FANCL: variants seen among roughly 807,000 people sequenced by gnomAD.
FANCL encodes the protein FA complementation group L, also known as E3 ubiquitin-protein ligase FANCL.
FANCL carries 69 observed loss-of-function variants against 59.4 expected under a neutral mutation model. The observed-to-expected ratio is 1.16, with a 90% CI of 0.96 to 1.42. The LOEUF (loss-of-function observed/expected upper bound fraction) is 1.42, where lower values mean the gene tolerates loss of function less well. FANCL is among the 40% of genes most tolerant of loss of function. FANCL has a pLI of 0.00. For synonymous variants in FANCL, 180 were observed against 147.1 expected (o/e 1.22, Z -1.62); for missense variants, 519 against 447.2 (o/e 1.16, Z -1.45).
intron 7 of FANCL, among the ~76,000 whole-genome samples, chr2:58,169,523 C>G (rs1326557752): frequency 1.3e-5 from 2 of 151,940 alleles, no homozygotes; most frequent in African/African-American, 4.8e-5. Context: ...TCCTCGCCAG[C>G]AAGGGAACAA....
At chr2:58,229,561 A>T (rs1272200269) in intron 3 of FANCL, among the ~76,000 whole-genome samples, 1 of 152,132 alleles carries the variant, frequency 6.6e-6, no homozygotes, top group Non-Finnish European at 1.5e-5. Flanking sequence ...TGAAGAAGTG[A>T]TGGATATGGA....
intron 11 of FANCL, 66 bp downstream of exon 11, chr2:58,162,800 T>C (rs1243497520): frequency 7.4e-7 from 1 of 1,355,896 alleles, no homozygotes. Flanking sequence ...CATTTTTCAC[T>C]GAGAGAAGCA....
At chr2:58,178,651 A>T (rs1687612190) in intron 7 of FANCL, among the ~76,000 whole-genome samples, 1 of 152,196 alleles carries the variant, frequency 6.6e-6, no homozygotes, top group South Asian at 2.1e-4. Flanking sequence ...AGCTGGAAGC[A>T]TTCCCTTTGC....
intron 7 of FANCL, among the ~76,000 whole-genome samples, chr2:58,185,829 T>G (rs1352904279): frequency 1.3e-5 from 2 of 152,178 alleles, no homozygotes; most frequent in African/African-American, 2.4e-5. Context: ...GACTAGGGAA[T>G]ATAATTTTAG....
intron 7 of FANCL, among the ~76,000 whole-genome samples, chr2:58,169,635 C>A (rs555299159): frequency 1.0e-3 from 157 of 151,682 alleles, no homozygotes; most frequent in Middle Eastern, 3.4e-3. Context: ...TAACCCAATG[C>A]AAGGAAGCTA....
In FANCL at chr2:58,221,984, T is replaced by G; in HGVS notation, c.332A>C (p.Tyr111Ser). 6.2e-7 allele frequency: 1 copy of G among 1,613,496 alleles called. No individual in the cohort carries two copies. The highest frequency in any genetic ancestry group is 8.5e-7 in the Non-Finnish European group (1 of 1,179,558). ...TCCTATCTCTTCAATAAGGCTTGAG[T>G]AGAACTGGGGAGGAGGAGGTAGTGC... is the stretch of plus-strand genomic sequence containing the variant. ...LYALPPPPQF[Y>S]SSLIEEIGTL... Residue 111 changes from tyrosine to serine, a missense_variant, in exon 5 of 14, where the codon TAC becomes TCC. Coordinates refer to ENST00000233741, the MANE Select transcript of FANCL (RefSeq NM_018062.4).
In FANCL at chr2:58,219,993, G is replaced by C. The variant is rs960338542; in HGVS notation, c.374+1949C>G. 1.4e-4 allele frequency among the ~76,000 whole-genome samples: 21 copies of C among 152,120 alleles called. 1 individual carries two copies. The highest frequency in any genetic ancestry group is 4.8e-4 in the African/African-American group (20 of 41,392). The stretch of plus-strand genomic sequence containing the variant: ...ATCCAAGTCAGTGGCATCCTCAAGA[G>C]CAATTATACAAGAGAGCAAAATAAA... On this transcript the variant is annotated intron_variant, in intron 5 of 13. Coordinates refer to ENST00000233741, the MANE Select transcript of FANCL (RefSeq NM_018062.4).
intron 6 of FANCL, among the ~76,000 whole-genome samples, chr2:58,201,966 A>C (rs1326474980): frequency 1.3e-5 from 2 of 151,744 alleles, no homozygotes; most frequent in Non-Finnish European, 1.5e-5. Flanking sequence ...GTATGTTATT[A>C]ATAAAAAAAA....
rs981115430 is a variant in FANCL at position 58,185,760 on chromosome 2, T to C, written c.540+12834A>G. Among the ~76,000 whole-genome samples, 4 of 152,294 alleles carry C rather than the reference T, an allele frequency of 2.6e-5. No individual in the cohort carries two copies. In the South Asian group the frequency reaches 8.3e-4, roughly 32 times the overall value. ...TAAAATGTATCTCATTTTTGAATTA[T>C]TGCTTAAGAAGCACAAGTTAAGGAA... On this transcript the variant is annotated intron_variant, in intron 7 of 13. Coordinates refer to ENST00000233741, the MANE Select transcript of FANCL (RefSeq NM_018062.4).
chr2:58,181,677 G>A (rs2104964406), intron 7 of FANCL, among the ~76,000 whole-genome samples: 1 of 151,982 alleles, frequency 6.6e-6, no homozygotes, highest in African/African-American at 2.4e-5. Flanking sequence ...GCAAATATAG[G>A]AAAGATTAAC....
chr2:58,211,287 T>C (rs1691127822), intron 5 of FANCL, among the ~76,000 whole-genome samples: 2 of 151,998 alleles, frequency 1.3e-5, no homozygotes, highest in Admixed American at 1.3e-4. Context: ...GCTTGGGGTT[T>C]GCACCCTCTG....
intron 2 of FANCL, 90 bp downstream of exon 2, chr2:58,231,964 A>C (rs182066902): frequency 2.7e-6 from 3 of 1,100,486 alleles, no homozygotes; most frequent in Admixed American, 3.6e-5. Flanking sequence ...TTTAGGCAAA[A>C]CTCTAGTCAC....
chr2:58,203,634 C>G (rs1202736424), intron 6 of FANCL, among the ~76,000 whole-genome samples: 1 of 151,980 alleles, frequency 6.6e-6, no homozygotes, highest in Non-Finnish European at 1.5e-5. Flanking sequence ...ATAACCTCTG[C>G]AAATTCTTAA....
chr2:58,171,637 G>A lies in FANCL; in HGVS notation c.541-5763C>T, dbSNP rs369423797. Among the ~76,000 whole-genome samples, 11 of 152,276 alleles carry A rather than the reference G, an allele frequency of 7.2e-5. No individual in the cohort carries two copies. The East Asian group carries it at 1.7e-3, about 24-fold the overall frequency. On this transcript the variant is annotated intron_variant, in intron 7 of 13. Transcript: ENST00000233741. The stretch of plus-strand genomic sequence containing the variant: ...ATAGGGGATTGGAGCCAAGATGGCC[G>A]AATAGGAACAGCTCCGGTCTACAGC...
intron 5 of FANCL, among the ~76,000 whole-genome samples, chr2:58,216,047 G>A (rs972469218): frequency 6.6e-6 from 1 of 152,150 alleles, no homozygotes; most frequent in Non-Finnish European, 1.5e-5. Context: ...AACAAAAAGT[G>A]ATAGAGCTTT....
At chr2:58,220,939 G>A (rs1366110427) in intron 5 of FANCL, among the ~76,000 whole-genome samples, 7 of 152,172 alleles carry the variant, frequency 4.6e-5, no homozygotes, top group South Asian at 2.1e-4. Flanking sequence ...ATTGCCGGGC[G>A]TGGTGGCTCA....
At chr2:58,172,524 G>A (rs144155158) in intron 7 of FANCL, among the ~76,000 whole-genome samples, 14 of 152,198 alleles carry the variant, frequency 9.2e-5, no homozygotes, top group Non-Finnish European at 2.1e-4. Flanking sequence ...AACTCCAACA[G>A]ACCTGCAGCT....
In FANCL at chr2:58,241,263, G is replaced by C. The variant is rs772700022; in HGVS notation, c.51C>G (p.Pro17=). 8 of 1,614,240 alleles carry C rather than the reference G, an allele frequency of 5.0e-6. No homozygotes were observed. The highest frequency in any genetic ancestry group is 6.8e-6 in the Non-Finnish European group (8 of 1,180,046). The change falls in exon 1 of 14, where the codon CCC becomes CCG. Residue 17 remains proline (P), a synonymous_variant. Coordinates refer to ENST00000233741, the MANE Select transcript of FANCL (RefSeq NM_018062.4). ...SLLRQCPLLL[P]QNRSKTVYEG... is the part of the protein sequence containing the mutation. Reference sequence around the variant, plus strand: ...CATACACGGTTTTCGACCGGTTCTGGGGCAGAAGCAGGGGGCACTGGCGCA... The same window carrying C: ...CATACACGGTTTTCGACCGGTTCTGCGGCAGAAGCAGGGGGCACTGGCGCA...
intron 5 of FANCL, among the ~76,000 whole-genome samples, chr2:58,221,679 A>T (rs530564570): frequency 2.0e-5 from 3 of 152,282 alleles, no homozygotes; most frequent in Admixed American, 6.5e-5. Context: ...TTGTATGTTC[A>T]GTGAAAGTAT....
Sources: allele counts gnomAD v4.1 joint callset (sites outside exome capture counted in the v4.1 genomes callset), GRCh38; gene constraint gnomAD v4.1.1; transcripts MANE v1.5; gene names NCBI Gene and HGNC (gene_info 2026-07-23, HGNC 2026-07-21).